Variants in COX6C observed in about 807,000 individuals in gnomAD.
COX6C encodes cytochrome c oxidase polypeptide VIc.
A neutral mutation model predicts 6.9 loss-of-function variants in COX6C; 3 were observed. The ratio of observed to expected loss-of-function variants is 0.43; its 90% confidence interval spans 0.20 to 1.12. The LOEUF (loss-of-function observed/expected upper bound fraction) is 1.12. COX6C is among the 50% of genes most tolerant of loss of function. The pLI, the probability that COX6C is intolerant of heterozygous loss-of-function variation, is 0.27. For missense variants in COX6C, 101 were observed against 97.3 expected (o/e 1.04, Z -0.16); for synonymous variants, 32 against 32.0 (o/e 1.00, Z 0.00).
chr8:99,885,793 C>A (rs1817935623), intron 3 of COX6C, among the ~76,000 whole-genome samples: 1 of 152,106 alleles, frequency 6.6e-6, no homozygotes, highest in Non-Finnish European at 1.5e-5. Context: ...AATTCGACAT[C>A]AAAATTTCTG....
intron 2 of COX6C, among the ~76,000 whole-genome samples, 200 bp downstream of exon 2, chr8:99,891,708 T>A (rs1463329108): frequency 6.6e-6 from 1 of 152,186 alleles, no homozygotes; most frequent in African/African-American, 2.4e-5. Flanking sequence ...GCACCCAGTC[T>A]GTGGTTCTTT....
intron 3 of COX6C, among the ~76,000 whole-genome samples, chr8:99,884,013 C>G (rs889683641): frequency 6.6e-6 from 1 of 152,084 alleles, no homozygotes; most frequent in Non-Finnish European, 1.5e-5. Context: ...CCAACAATGG[C>G]CAAAAAGGAC....
chr8:99,888,572 T>C (rs867687755), intron 2 of COX6C, among the ~76,000 whole-genome samples: 1 of 152,254 alleles, frequency 6.6e-6, no homozygotes, highest in South Asian at 2.1e-4. Flanking sequence ...AGACTCCGTC[T>C]TGAAAAAATT....
intron 3 of COX6C, among the ~76,000 whole-genome samples, chr8:99,880,056 T>C (rs10464840): frequency 0.062 from 9,394 of 152,230 alleles, 343 homozygotes; most frequent in African/African-American, 0.1. Flanking sequence ...CTAAAACTAA[T>C]GCATATGCAC....
At chr8:99,891,420 C>T (rs771056885) in intron 2 of COX6C, among the ~76,000 whole-genome samples, 5 of 151,836 alleles carry the variant, frequency 3.3e-5, no homozygotes, top group Non-Finnish European at 5.9e-5. Context: ...TAGCCAGTTC[C>T]GGTGGTGTGT....
At chr8:99,892,502 C>T (rs1334184199) in intron 1 of COX6C, among the ~76,000 whole-genome samples, 1 of 152,160 alleles carries the variant, frequency 6.6e-6, no homozygotes, top group African/African-American at 2.4e-5. Flanking sequence ...GTAGCTCTCA[C>T]TACTCTGAGC....
At chr8:99,882,045 T>C (rs1817874089) in intron 3 of COX6C, among the ~76,000 whole-genome samples, 2 of 152,156 alleles carry the variant, frequency 1.3e-5, no homozygotes, top group Admixed American at 1.3e-4. Context: ...GATCTAGCAA[T>C]TATAAATACA....
At chr8:99,892,141 G>T in intron 1 of COX6C, 89 bp from the exon 2 acceptor site, 1 of 695,932 alleles carries the variant, frequency 1.4e-6, no homozygotes, top group South Asian at 1.8e-5. Flanking sequence ...GATTGGAGCT[G>T]CCCTGAATAT....
At chr8:99,881,085 T>C (rs1441902731) in intron 3 of COX6C, among the ~76,000 whole-genome samples, 4 of 151,996 alleles carry the variant, frequency 2.6e-5, no homozygotes, top group African/African-American at 4.8e-5. Context: ...TTGTGCCAGG[T>C]ACAGTGGCTC....
chr8:99,882,974 G>C (rs1470966654), intron 3 of COX6C, among the ~76,000 whole-genome samples: 2 of 152,018 alleles, frequency 1.3e-5, no homozygotes, highest in African/African-American at 4.8e-5. Flanking sequence ...TTTTTGTAGA[G>C]ACGGGGTTTC....
intron 2 of COX6C, among the ~76,000 whole-genome samples, chr8:99,889,906 A>G (rs1018590583): frequency 7.3e-5 from 11 of 151,462 alleles, no homozygotes; most frequent in African/African-American, 2.7e-4. Context: ...CCTGGCTAAC[A>G]CGGTGAAACC....
intron 3 of COX6C, among the ~76,000 whole-genome samples, chr8:99,883,327 C>A (rs1172285215): frequency 6.6e-6 from 1 of 151,966 alleles, no homozygotes; most frequent in Admixed American, 6.6e-5. Context: ...GAACCTCCTG[C>A]CTCAGCCTCC....
At chr8:99,883,433 A>ATGTG (rs1272786254) in intron 3 of COX6C, among the ~76,000 whole-genome samples, 28 of 145,668 alleles carry the variant, frequency 1.9e-4, no homozygotes, top group Admixed American at 9.6e-4. Context: ...GTATATATGT[A>ATGTG]TGTGTGTGTG....
At chr8:99,888,007 C>T (rs1286087882) in intron 2 of COX6C, among the ~76,000 whole-genome samples, 3 of 150,290 alleles carry the variant, frequency 2.0e-5, no homozygotes, top group Non-Finnish European at 3.0e-5. Context: ...AGGAGAATGG[C>T]GTGAACCCGG....
At position 99,892,772 on chromosome 8, in the gene COX6C, T is replaced by C. The variant is rs1052888245; in HGVS notation, c.-31-720A>G. On this transcript the variant is annotated intron_variant, in intron 1 of 3. Coordinates refer to ENST00000520468, the MANE Select transcript of COX6C (RefSeq NM_004374.4). Reference sequence around the variant, plus strand: ...GACGAGCAAAGGCAACAAAAATCTTTCCAACAACAAGAAAAATAAGCAGTA... The same window carrying C: ...GACGAGCAAAGGCAACAAAAATCTTCCCAACAACAAGAAAAATAAGCAGTA... Among the ~76,000 whole-genome samples the C allele has an allele frequency of 5.8e-4, 88 of 151,928 alleles. 4 individuals carry two copies. The highest frequency in any genetic ancestry group is 5.5e-3 in the Admixed American group (84 of 15,242).
intron 3 of COX6C, among the ~76,000 whole-genome samples, chr8:99,881,837 T>A (rs1043672333): frequency 1.3e-5 from 2 of 152,184 alleles, no homozygotes; most frequent in Non-Finnish European, 2.9e-5. Context: ...TCCAATTATA[T>A]GCTGTCTACA....
chr8:99,890,322 A>G (rs927582701), intron 2 of COX6C, among the ~76,000 whole-genome samples: 2 of 152,056 alleles, frequency 1.3e-5, no homozygotes, highest in Non-Finnish European at 2.9e-5. Flanking sequence ...TATGACCCAC[A>G]ATAACTGTGA....
intron 2 of COX6C, among the ~76,000 whole-genome samples, chr8:99,889,324 C>T (rs1817997774): frequency 6.6e-6 from 1 of 151,734 alleles, no homozygotes; most frequent in Non-Finnish European, 1.5e-5. Flanking sequence ...AAGTCTGGCT[C>T]TATCGCCCAG....
intron 3 of COX6C, among the ~76,000 whole-genome samples, chr8:99,879,846 G>A (rs1050329633): frequency 1.3e-5 from 2 of 152,200 alleles, no homozygotes; most frequent in Non-Finnish European, 2.9e-5. Context: ...GCATAGTTTG[G>A]ATAGGAGGTT....
Sources: allele counts gnomAD v4.1 joint callset (sites outside exome capture counted in the v4.1 genomes callset), GRCh38; gene constraint gnomAD v4.1.1; transcripts MANE v1.5; gene names NCBI Gene and HGNC (gene_info 2026-07-23, HGNC 2026-07-21).